SCAF8: variants seen among roughly 807,000 people sequenced by gnomAD.
SCAF8 encodes SR-related CTD associated factor 8.
A neutral mutation model predicts 140.5 loss-of-function variants in SCAF8; 23 were observed. The observed-to-expected ratio is 0.16, with a 90% CI of 0.12 to 0.23. The LOEUF (loss-of-function observed/expected upper bound fraction) is 0.23. Among genes scored for constraint, SCAF8 ranks in the 10% least tolerant of loss-of-function variants. The probability of loss-of-function intolerance (pLI) is 1.00; values close to 1 mark genes in which losing one functional copy is unlikely to be tolerated. For missense variants in SCAF8, 1,397 were observed against 1,555.7 expected (o/e 0.90, Z 1.72); for synonymous variants, 575 against 528.9 (o/e 1.09, Z -1.20).
intron 17 of SCAF8, among the ~76,000 whole-genome samples, chr6:154,825,847 T>C (rs1778551464): frequency 6.6e-6 from 1 of 152,036 alleles, no homozygotes; most frequent in Non-Finnish European, 1.5e-5. Context: ...TAAGCAATTA[T>C]ATACGCATAT....
chr6:154,788,329 A>C (rs1777314094), intron 4 of SCAF8, among the ~76,000 whole-genome samples: 2 of 152,206 alleles, frequency 1.3e-5, no homozygotes, highest in South Asian at 4.1e-4. Context: ...GTAGTAGGCT[A>C]TACCGTCTAG....
chr6:154,752,610 T>G (rs1045610340), intron 1 of SCAF8, among the ~76,000 whole-genome samples: 3 of 152,206 alleles, frequency 2.0e-5, no homozygotes, highest in African/African-American at 7.2e-5. Flanking sequence ...GTAAAAGTTA[T>G]AGAGACTATG....
chr6:154,733,890 G>C lies in SCAF8; in HGVS notation c.-11G>C. The C allele has an allele frequency of 1.3e-6, 2 of 1,544,446 alleles. No individual in the cohort carries two copies. Among genetic ancestry groups the C allele is most frequent in the Non-Finnish European group, 1.7e-6 (2 of 1,150,764 alleles). ...TTCCGCCGCCGGGCTCGGGGCCTCC[G>C]CAGCGACAACATGGAGGCCGTGAAG... is the stretch of plus-strand genomic sequence containing the variant. On this transcript the variant is annotated 5_prime_UTR_variant, in exon 1 of 20. Transcript: ENST00000367178.
At chr6:154,781,595 A>G (rs145364874) in intron 3 of SCAF8, among the ~76,000 whole-genome samples, 48 of 152,324 alleles carry the variant, frequency 3.2e-4, no homozygotes, top group Admixed American at 5.9e-4. Context: ...ACTATACTAC[A>G]AGGCTACAGT....
intron 1 of SCAF8, among the ~76,000 whole-genome samples, chr6:154,735,125 A>C (rs80175103): frequency 9.6e-5 from 13 of 135,384 alleles, no homozygotes; most frequent in African/African-American, 2.5e-4. Flanking sequence ...CTCTGTCTAC[A>C]AAAAAAAAAA....
At chr6:154,817,059 ACTGT>A (rs1404113684) in intron 13 of SCAF8, among the ~76,000 whole-genome samples, 4 of 152,250 alleles carry the variant, frequency 2.6e-5, no homozygotes, top group Middle Eastern at 3.4e-3. Context: ...TCAAAACATC[ACTGT>A]CTTTCAGAGT....
Position 154,790,655 on chromosome 6 carries a change from C to T in SCAF8, c.322-2168C>T, listed in dbSNP as rs564666091. Among the ~76,000 whole-genome samples the T allele has an allele frequency of 7.9e-5, 12 of 151,658 alleles. No individual in the cohort carries two copies. The South Asian group carries it at 8.3e-4, about 11-fold the overall frequency. The stretch of plus-strand genomic sequence containing the variant: ...CCTCCCAAGTAGCTGGGACTACAGG[C>T]GCCCACCACCACGCCTGGCTAATGT... On this transcript the variant is annotated intron_variant, in intron 4 of 19. Transcript: ENST00000367178.
Position 154,742,915 on chromosome 6 carries a change from G to C in SCAF8, c.30+8985G>C, listed in dbSNP as rs1465032569. 2.0e-5 allele frequency among the ~76,000 whole-genome samples: 3 copies of C among 152,012 alleles called. No individual in the cohort carries two copies. In the East Asian group the frequency reaches 5.8e-4, roughly 29 times the overall value. On this transcript the variant is annotated intron_variant, in intron 1 of 19. Transcript: ENST00000367178. ...TTCTTTCATTAATTTGTTCATGCACGTAACTAATATTTAATGAACATGTAT... is the reference window on the plus strand; with the variant it reads ...TTCTTTCATTAATTTGTTCATGCACCTAACTAATATTTAATGAACATGTAT...
chr6:154,791,815 A>C (rs1445911798), intron 4 of SCAF8, among the ~76,000 whole-genome samples: 1 of 152,142 alleles, frequency 6.6e-6, no homozygotes, highest in Non-Finnish European at 1.5e-5. Flanking sequence ...GTTGAGACTA[A>C]AACAAAAATG....
chr6:154,823,602 G>T (rs1192238425), intron 16 of SCAF8, among the ~76,000 whole-genome samples: 2 of 152,210 alleles, frequency 1.3e-5, no homozygotes, highest in Non-Finnish European at 1.5e-5. Flanking sequence ...AAATTGGAAA[G>T]ATAGAGTTAC....
intron 1 of SCAF8, among the ~76,000 whole-genome samples, chr6:154,750,876 C>A (rs752037241): frequency 2.6e-5 from 4 of 151,812 alleles, no homozygotes; most frequent in Non-Finnish European, 5.9e-5. Flanking sequence ...ATGAATTATT[C>A]TTTTTCTTGT....
chr6:154,801,446 G>A (rs1437222970), intron 6 of SCAF8, among the ~76,000 whole-genome samples: 1 of 151,402 alleles, frequency 6.6e-6, no homozygotes, highest in Non-Finnish European at 1.5e-5. Context: ...TCACTGTTGT[G>A]TCTGTTTTTT....
Position 154,832,199 on chromosome 6 carries a change from C to G in SCAF8, c.2620C>G (p.Pro874Ala). 3.7e-6 allele frequency: 6 copies of G among 1,614,028 alleles called. No individual in the cohort carries two copies. The highest frequency in any genetic ancestry group is 5.1e-6 in the Non-Finnish European group (6 of 1,179,992). ...TTCTGGACTTTTGGGAGTGCTACCC[C>G]CAAATATACCTAACAATTCTGGACT... Reference protein sequence around the residue: ...NSSGLLGVLPPNIPNNSGLVG... With the variant: ...NSSGLLGVLPANIPNNSGLVG... Residue 874 changes from proline (P) to alanine (A), a missense_variant, in exon 20 of 20, where the codon CCA (proline) becomes GCA (alanine). Coordinates refer to ENST00000367178, the MANE Select transcript of SCAF8 (RefSeq NM_014892.5).
Position 154,824,321 on chromosome 6 carries a change from C to T in SCAF8, c.2014C>T (p.Pro672Ser). ...SMPVPPPGFS[P>S]IPPPPFLRAS... ...GCCGGTTCCTCCTCCTGGATTCAGT[C>T]CAATCCCTCCACCTCCTTTTTTAAG... The change falls in exon 17 of 20, where the codon CCA becomes TCA. Residue 672 changes from proline to serine, a missense_variant. Physicochemically the swap from Pro to Ser is moderately conservative, Grantham distance 74. Around this residue, in one of 5 missense-constraint regions of SCAF8, gnomAD observed 930 missense variants for 874.6 expected, o/e 1.06. Transcript: ENST00000367178. 1 of 1,613,908 alleles carries T rather than the reference C, an allele frequency of 6.2e-7. No homozygotes were observed. The highest frequency in any genetic ancestry group is 1.3e-5 in the African/African-American group (1 of 75,042).
intron 1 of SCAF8, among the ~76,000 whole-genome samples, chr6:154,739,184 G>T (rs1027324989): frequency 6.6e-6 from 1 of 152,000 alleles, no homozygotes; most frequent in African/African-American, 2.4e-5. Context: ...AGGGTGGGGG[G>T]TGTCAATATG....
chr6:154,751,550 A>G (rs1562426441), intron 1 of SCAF8, among the ~76,000 whole-genome samples: 1 of 152,156 alleles, frequency 6.6e-6, no homozygotes, highest in Non-Finnish European at 1.5e-5. Context: ...TTTAGACCTG[A>G]AAGACATATC....
intron 1 of SCAF8, among the ~76,000 whole-genome samples, chr6:154,741,223 A>C (rs1419479047): frequency 6.6e-6 from 1 of 152,334 alleles, no homozygotes; most frequent in East Asian, 1.9e-4. Flanking sequence ...GAGAGACTGC[A>C]TGATTTGAGA....
At chr6:154,798,523 T>C (rs1243664086) in intron 6 of SCAF8, among the ~76,000 whole-genome samples, 3 of 151,456 alleles carry the variant, frequency 2.0e-5, no homozygotes, top group African/African-American at 7.2e-5. Context: ...CCCTTTGTTC[T>C]TCATATCCAA....
chr6:154,794,926 A>G (rs917306910), intron 5 of SCAF8, 83 bp from the exon 6 acceptor site: 4 of 1,291,916 alleles, frequency 3.1e-6, no homozygotes, highest in Non-Finnish European at 4.3e-6. Flanking sequence ...TTATAAAAGT[A>G]ATAAAACAAG....
Sources: gnomAD v4.1 joint callset for allele counts (sites outside exome capture counted in the v4.1 genomes callset) on GRCh38, gnomAD v4.1.1 for gene constraint, gnomAD v4.1.1 regional missense constraint, MANE v1.5 for transcripts, NCBI Gene and HGNC (gene_info 2026-07-23, HGNC 2026-07-21) for gene names.